ITGA1: variants seen among roughly 807,000 people sequenced by gnomAD.
ITGA1 encodes integrin alpha-1.
Under a neutral mutation model 145.9 loss-of-function variants are expected in ITGA1, and 85 were observed. The ratio of observed to expected loss-of-function variants is 0.58; its 90% CI spans 0.49 to 0.70. The LOEUF (loss-of-function observed/expected upper bound fraction) is 0.70, where lower values mean the gene tolerates loss of function less well. ITGA1 is among the 30% of genes least tolerant of loss of function. The probability of loss-of-function intolerance (pLI) is 0.00; values close to 1 mark genes in which losing one functional copy is unlikely to be tolerated. For missense variants in ITGA1, 1,351 were observed against 1,418.7 expected (o/e 0.95, Z 0.77); for synonymous variants, 520 against 495.3 (o/e 1.05, Z -0.66).
chr5:52,844,176 A>T (rs576787709), intron 1 of ITGA1, among the ~76,000 whole-genome samples: 17 of 152,162 alleles, frequency 1.1e-4, no homozygotes, highest in African/African-American at 4.1e-4. Context: ...AATGGGAGCA[A>T]GTCTTTTCAT....
Position 52,813,069 on chromosome 5 carries a change from A to G in ITGA1, c.61+24655A>G, listed in dbSNP as rs1361694606. ...AAAGACCCACTTTTGTGAGTTTTAC[A>G]CACAAATGAAGAGGAGTACAGAAGA... is the stretch of plus-strand genomic sequence containing the variant. On this transcript the variant is annotated intron_variant, in intron 1 of 28. Coordinates refer to ENST00000282588, the MANE Select transcript of ITGA1 (RefSeq NM_181501.2). Among the ~76,000 whole-genome samples the G allele has an allele frequency of 2.0e-5, 3 of 152,124 alleles. No homozygotes were observed. The East Asian group carries it at 5.8e-4, about 29-fold the overall frequency.
rs940774876 is a variant in ITGA1 at position 52,955,387 on chromosome 5, AGATAGAT to A, written c.*2937_*2943del. ...TAGATAGATAGATAGATAGATAGAT[AGATAGAT>A]ATTGATAGAGAACATGTTGTGTCTA... On this transcript the variant is annotated 3_prime_UTR_variant, in exon 29 of 29. Coordinates refer to ENST00000282588, the MANE Select transcript of ITGA1 (RefSeq NM_181501.2). The A allele has an allele frequency of 4.4e-5, 6 of 136,106 alleles. No homozygotes were observed. Among genetic ancestry groups the A allele is most frequent in the Non-Finnish European group, 6.3e-5 (4 of 63,262 alleles). 8.4% of individuals were successfully genotyped at this position (136,106 alleles called of 1,614,324 possible).
rs1462857897 is a variant in ITGA1, at chr5:52,816,512, T to C, written c.61+28098T>C. On this transcript the variant is annotated intron_variant, in intron 1 of 28. Coordinates refer to ENST00000282588, the MANE Select transcript of ITGA1 (RefSeq NM_181501.2). Reference sequence around the variant, plus strand: ...ATAAACACACTAGAAATTTTCATTCTTAGGGAGGGATAGGGAGGCTGGGGG... The same window carrying C: ...ATAAACACACTAGAAATTTTCATTCCTAGGGAGGGATAGGGAGGCTGGGGG... 2.0e-5 allele frequency among the ~76,000 whole-genome samples: 3 copies of C among 152,186 alleles called. No homozygotes were observed. The East Asian group carries it at 5.8e-4, about 29-fold the overall frequency.
At chr5:52,933,512 T>A (rs2111890966) in intron 22 of ITGA1, 1 of 152,812 alleles carries the variant, frequency 6.5e-6, no homozygotes, top group East Asian at 1.9e-4. Flanking sequence ...AATATAGGAC[T>A]TTAAATTATG....
chr5:52,858,599 C>T (rs1580065992), intron 2 of ITGA1, among the ~76,000 whole-genome samples: 1 of 152,134 alleles, frequency 6.6e-6, no homozygotes, highest in Non-Finnish European at 1.5e-5. Context: ...TTTCTAAAAT[C>T]GTAGGCTCAT....
Position 52,788,071 on chromosome 5 carries a change from C to G in ITGA1, c.-283C>G. Reference sequence around the variant, plus strand: ...TGGCTTTATTTGTCCATGTCTCGGACAGAGCCTGGGAAGCTGCCAGTGAGA... The same window carrying G: ...TGGCTTTATTTGTCCATGTCTCGGAGAGAGCCTGGGAAGCTGCCAGTGAGA... On this transcript the variant is annotated 5_prime_UTR_variant, in exon 1 of 29. Transcript: ENST00000282588. 1 of 391,080 alleles carries G rather than the reference C, an allele frequency of 2.6e-6. No individual in the cohort carries two copies. Among genetic ancestry groups the G allele is most frequent in the Non-Finnish European group, 4.6e-6 (1 of 218,598 alleles). 24.2% of individuals were successfully genotyped at this position (391,080 alleles called of 1,614,324 possible). A position where few individuals can be genotyped will look rare whatever the true frequency, so the allele number is the denominator to read the frequency against.
chr5:52,951,103 A>G (rs1751212688), intron 28 of ITGA1, among the ~76,000 whole-genome samples: 1 of 152,158 alleles, frequency 6.6e-6, no homozygotes, highest in African/African-American at 2.4e-5. Flanking sequence ...TTCCAACCTA[A>G]AAGTGCATAT....
intron 1 of ITGA1, chr5:52,801,639 G>A: frequency 6.2e-7 from 1 of 1,614,142 alleles, no homozygotes; most frequent in Non-Finnish European, 8.5e-7. Flanking sequence ...AGCTCTTCAG[G>A]CATCAGGATG....
chr5:52,788,778 G>A (rs568856389), intron 1 of ITGA1, among the ~76,000 whole-genome samples: 1 of 152,224 alleles, frequency 6.6e-6, no homozygotes, highest in African/African-American at 2.4e-5. Flanking sequence ...GGGATGGGAG[G>A]GTGATGCTTA....
chr5:52,895,450 C>T (rs550250536), intron 9 of ITGA1, among the ~76,000 whole-genome samples: 2 of 152,228 alleles, frequency 1.3e-5, no homozygotes, highest in African/African-American at 2.4e-5. Context: ...ATAAGGTCTT[C>T]CAACTAATTG....
At chr5:52,922,677 C>A in intron 17 of ITGA1, 100 bp from the exon 18 acceptor site, 1 of 754,222 alleles carries the variant, frequency 1.3e-6, no homozygotes, top group Non-Finnish European at 2.3e-6. Context: ...AAGAATGCTG[C>A]AGTAAGCCTG....
rs1751277939 is a variant in ITGA1, at chr5:52,954,730, A to G, written c.*2279A>G. 6.6e-6 allele frequency: 1 copy of G among 152,202 alleles called. No homozygotes were observed. The highest frequency in any genetic ancestry group is 2.4e-5 in the African/African-American group (1 of 41,452). 9.4% of individuals were successfully genotyped at this position (152,202 alleles called of 1,614,324 possible). A position where few individuals can be genotyped will look rare whatever the true frequency, so the allele number is the denominator to read the frequency against. On this transcript the variant is annotated 3_prime_UTR_variant, in exon 29 of 29. Transcript: ENST00000282588. ...TTTACAGAAAATAAACACAAAAGCT[A>G]TATCTGCAAGACAAGTTTGATTCAT...
chr5:52,937,487 G>A lies in ITGA1; in HGVS notation c.3051G>A (p.Leu1017=), dbSNP rs775711684. 6.2e-6 allele frequency: 10 copies of A among 1,610,302 alleles called. No homozygotes were observed. In the East Asian group the frequency reaches 1.8e-4, roughly 29 times the overall value. The change falls in exon 24 of 29, where the codon CTG becomes CTA. Residue 1017 remains leucine, a synonymous_variant. Coordinates refer to ENST00000282588, the MANE Select transcript of ITGA1 (RefSeq NM_181501.2). ...PNMTSNGYPV[L]YPTGLSSSEN... The stretch of plus-strand genomic sequence containing the variant: ...TGACATCAAATGGTTACCCTGTGCT[G>A]TACCCAACTGGATTGTCATCTTCTG...
chr5:52,928,328 G>T (rs983078378), intron 20 of ITGA1, among the ~76,000 whole-genome samples: 2 of 152,094 alleles, frequency 1.3e-5, no homozygotes, highest in African/African-American at 4.8e-5. Flanking sequence ...GGTGTCTCTG[G>T]CCTTCAAGAA....
chr5:52,893,670 CTT>C lies in ITGA1; in HGVS notation c.925-4_925-3del. On this transcript the variant is annotated splice_region_variant and splice_polypyrimidine_tract_variant and intron_variant, in intron 8 of 28. Coordinates refer to ENST00000282588, the MANE Select transcript of ITGA1 (RefSeq NM_181501.2). ...TATATTCTTGCTGTTTCTGTTGTGTCTTAGATTCTTGGCAGCTATAACCGAGG... is the reference window on the plus strand; with the variant it reads ...TATATTCTTGCTGTTTCTGTTGTGTCAGATTCTTGGCAGCTATAACCGAGG... 6.2e-7 allele frequency: 1 copy of C among 1,608,914 alleles called. No homozygotes were observed. The highest frequency in any genetic ancestry group is 1.1e-5 in the South Asian group (1 of 90,180).
intron 1 of ITGA1, among the ~76,000 whole-genome samples, chr5:52,810,067 T>C (rs1044637439): frequency 1.3e-5 from 2 of 152,232 alleles, no homozygotes; most frequent in African/African-American, 4.8e-5. Flanking sequence ...CTTACATGAC[T>C]AAGCACTGAC....
At chr5:52,937,339 A>G (rs1036277498) in intron 23 of ITGA1, 62 bp from the exon 24 acceptor site, 8 of 1,115,914 alleles carry the variant, frequency 7.2e-6, no homozygotes, top group Admixed American at 3.4e-5. Context: ...AAAGCCCTAC[A>G]TAAGACAGAA....
chr5:52,865,132 A>G (rs1749667027), intron 5 of ITGA1, 50 bp downstream of exon 5: 1 of 1,303,822 alleles, frequency 7.7e-7, no homozygotes, highest in African/African-American at 1.5e-5. Flanking sequence ...CTATGCAATG[A>G]ATGAGACGTA....
At position 52,955,362 on chromosome 5, in the gene ITGA1, TA is replaced by T. The variant is rs932249984; in HGVS notation, c.*2912del. 9.9e-6 allele frequency: 1 copy of T among 100,554 alleles called. No individual in the cohort carries two copies. Among genetic ancestry groups the T allele is most frequent in the African/African-American group, 4.5e-5 (1 of 22,226 alleles). The allele number at this position is 100,554 out of a possible 1,614,324, so 6.2% of individuals were successfully genotyped here. ...CACGATAGACAGATAGATAGATAGATAGATAGATAGATAGATAGATAGATAG... is the reference window on the plus strand; with the variant it reads ...CACGATAGACAGATAGATAGATAGATGATAGATAGATAGATAGATAGATAG... On this transcript the variant is annotated 3_prime_UTR_variant, in exon 29 of 29. Coordinates refer to ENST00000282588, the MANE Select transcript of ITGA1 (RefSeq NM_181501.2).
Sources: allele counts gnomAD v4.1 joint callset (sites outside exome capture counted in the v4.1 genomes callset), GRCh38; gene constraint gnomAD v4.1.1; transcripts MANE v1.5; gene names NCBI Gene and HGNC (gene_info 2026-07-23, HGNC 2026-07-21).